Variants in MPRIP observed in about 807,000 individuals in gnomAD.
MPRIP encodes the protein myosin phosphatase Rho interacting protein.
A neutral mutation model predicts 234.9 loss-of-function variants in MPRIP; 59 were observed. The observed-to-expected ratio is 0.25, with a 90% confidence interval of 0.20 to 0.31. The LOEUF (loss-of-function observed/expected upper bound fraction) is 0.31. Among genes scored for constraint, MPRIP ranks in the 10% least tolerant of loss-of-function variants. The probability of loss-of-function intolerance (pLI) is 1.00; values close to 1 mark genes in which losing one functional copy is unlikely to be tolerated. For missense variants in MPRIP, 2,436 were observed against 3,071.0 expected (o/e 0.79, Z 4.89); for synonymous variants, 1,144 against 1,263.9 (o/e 0.91, Z 2.01).
At chr17:17,053,842 AG>A (rs1373339051) in intron 1 of MPRIP, among the ~76,000 whole-genome samples, 1 of 152,180 alleles carries the variant, frequency 6.6e-6, no homozygotes, top group Non-Finnish European at 1.5e-5. Flanking sequence ...TTCTTATGTC[AG>A]CCCCTTGAGG....
Position 17,166,583 on chromosome 17 carries a change from T to C in MPRIP, c.4992T>C (p.Asn1664=), listed in dbSNP as rs1376288621. The part of the protein sequence containing the change: ...IPQGLAPILA[N]ATWVRAELSF... ...AGGGCCTGGCCCCCATCCTGGCCAA[T>C]GCCACATGGGTCAGGGCAGAGCTCA... is the stretch of plus-strand genomic sequence containing the variant. Residue 1664 remains asparagine, a synonymous_variant, in exon 16 of 24, where the codon AAT becomes AAC. Coordinates refer to ENST00000651222, the MANE Select transcript of MPRIP (RefSeq NM_001364716.4). This position sits in a 1 kb window ranked among gnomAD's most constrained non-coding sequence, Gnocchi z 4.4. The C allele has an allele frequency of 7.7e-7, 1 of 1,304,126 alleles. No individual in the cohort carries two copies. The highest frequency in any genetic ancestry group is 5.6e-5 in the East Asian group (1 of 18,018). 80.8% of individuals were successfully genotyped at this position (1,304,126 alleles called of 1,614,324 possible). A position where few individuals can be genotyped will look rare whatever the true frequency, so the allele number is the denominator to read the frequency against.
intron 13 of MPRIP, among the ~76,000 whole-genome samples, chr17:17,157,812 G>C (rs2045762182): frequency 6.7e-6 from 1 of 150,256 alleles, no homozygotes; most frequent in Non-Finnish European, 1.5e-5. Flanking sequence ...TGGGTAACAA[G>C]AGTGAAACTC....
intron 21 of MPRIP, 98 bp from the exon 22 acceptor site, chr17:17,177,152 G>A (rs1429156194): frequency 1.6e-6 from 2 of 1,225,324 alleles, no homozygotes; most frequent in Non-Finnish European, 2.3e-6. Flanking sequence ...CCCACAGCAA[G>A]CCTCCCTACC....
At chr17:17,047,438 T>C (rs536315583) in intron 1 of MPRIP, among the ~76,000 whole-genome samples, 1 of 152,368 alleles carries the variant, frequency 6.6e-6, no homozygotes, top group Admixed American at 6.5e-5. Flanking sequence ...AGGCCTACTT[T>C]CCAAGATTTG....
chr17:17,089,451 T>C (rs902957087), intron 3 of MPRIP, among the ~76,000 whole-genome samples: 1 of 152,200 alleles, frequency 6.6e-6, no homozygotes, highest in Non-Finnish European at 1.5e-5. Context: ...TAGATCAGAA[T>C]CTGGATGACT....
At chr17:17,145,165 C>T (rs761817420) in intron 9 of MPRIP, among the ~76,000 whole-genome samples, 1 of 152,198 alleles carries the variant, frequency 6.6e-6, no homozygotes, top group Non-Finnish European at 1.5e-5. Context: ...GACTGTGGTT[C>T]CTTCCTCACT....
chr17:17,134,551 C>G (rs529685966), intron 5 of MPRIP, among the ~76,000 whole-genome samples: 60 of 152,308 alleles, frequency 3.9e-4, no homozygotes, highest in Admixed American at 2.5e-3. Flanking sequence ...GCTGGCAGCC[C>G]TAAGCTGAGT....
chr17:17,097,748 C>G (rs895795208), intron 3 of MPRIP, among the ~76,000 whole-genome samples: 1 of 152,154 alleles, frequency 6.6e-6, no homozygotes, highest in Non-Finnish European at 1.5e-5. Context: ...AGAACTGGCT[C>G]ACTCCCAACA....
chr17:17,091,874 A>G (rs1288123393), intron 3 of MPRIP, among the ~76,000 whole-genome samples: 1 of 152,172 alleles, frequency 6.6e-6, no homozygotes, highest in African/African-American at 2.4e-5. Flanking sequence ...TCCACGAGAA[A>G]AGATTAGGAA....
chr17:17,142,416 G>A, intron 7 of MPRIP: 1 of 554,030 alleles, frequency 1.8e-6, no homozygotes. Flanking sequence ...GGGGCAGAGG[G>A]TAGGGGCAAG....
intron 1 of MPRIP, among the ~76,000 whole-genome samples, chr17:17,071,576 AAGT>A (rs765874396): frequency 3.3e-5 from 5 of 152,180 alleles, no homozygotes; most frequent in Non-Finnish European, 7.3e-5. Context: ...CAGGAAGCAG[AAGT>A]TTCAAGGCAC....
intron 1 of MPRIP, among the ~76,000 whole-genome samples, chr17:17,068,404 C>T (rs916385104): frequency 6.6e-6 from 1 of 151,762 alleles, no homozygotes; most frequent in Non-Finnish European, 1.5e-5. Flanking sequence ...CCCACCTCGG[C>T]CTCCCAAAGT....
intron 1 of MPRIP, among the ~76,000 whole-genome samples, chr17:17,056,399 G>A (rs2088697833): frequency 6.6e-6 from 1 of 152,208 alleles, no homozygotes; most frequent in African/African-American, 2.4e-5. Flanking sequence ...AAACAGGGAA[G>A]AGGCTTTTAA....
chr17:17,162,247 C>T (rs1050700024), intron 15 of MPRIP, among the ~76,000 whole-genome samples: 7 of 152,194 alleles, frequency 4.6e-5, no homozygotes, highest in Admixed American at 2.0e-4. Context: ...TCCTCTACAG[C>T]GGCAGTCTGC....
intron 1 of MPRIP, among the ~76,000 whole-genome samples, chr17:17,067,557 T>C (rs1332201840): frequency 2.0e-5 from 3 of 152,204 alleles, no homozygotes; most frequent in Non-Finnish European, 2.9e-5. Flanking sequence ...TTTCAGGAAT[T>C]TTCCATTTAA....
chr17:17,048,036 G>A (rs765920459), intron 1 of MPRIP, among the ~76,000 whole-genome samples: 17 of 152,282 alleles, frequency 1.1e-4, no homozygotes, highest in Admixed American at 3.3e-4. Context: ...CTACATCCGC[G>A]TGTTGATCTG....
intron 13 of MPRIP, among the ~76,000 whole-genome samples, chr17:17,156,247 T>C (rs2045727286): frequency 6.6e-6 from 1 of 152,212 alleles, no homozygotes; most frequent in Non-Finnish European, 1.5e-5. Flanking sequence ...CACGCTTGAG[T>C]GCCTGCTTCC....
intron 3 of MPRIP, among the ~76,000 whole-genome samples, chr17:17,089,353 G>T (rs998561793): frequency 6.6e-6 from 1 of 152,124 alleles, no homozygotes; most frequent in African/African-American, 2.4e-5. Flanking sequence ...TCCTTGGCTC[G>T]TGGCCTCTTC....
chr17:17,095,995 T>TCC (rs138116019), intron 3 of MPRIP, among the ~76,000 whole-genome samples: 38 of 151,572 alleles, frequency 2.5e-4, no homozygotes, highest in African/African-American at 3.9e-4. Context: ...AGTTTATACC[T>TCC]CCCCCCCACA....
Sources: allele counts gnomAD v4.1 joint callset (sites outside exome capture counted in the v4.1 genomes callset), GRCh38; gene constraint gnomAD v4.1.1; non-coding constraint Gnocchi (gnomAD v3.1); transcripts MANE v1.5; gene names NCBI Gene and HGNC (gene_info 2026-07-23, HGNC 2026-07-21).